The following WDHD1 variants were observed in gnomAD, a reference collection of about 807,000 sequenced individuals.
WDHD1 encodes WD repeat and HMG-box DNA-binding protein 1.
WDHD1 carries 111 observed loss-of-function variants against 135.4 expected under a neutral mutation model. That is an observed-to-expected ratio of 0.82 (90% CI 0.70 to 0.96). The LOEUF (loss-of-function observed/expected upper bound fraction) is 0.96, where lower values mean the gene tolerates loss of function less well. Among genes scored for constraint, WDHD1 ranks in the 40% least tolerant of loss-of-function variants. The probability of loss-of-function intolerance (pLI) is 0.00; values close to 1 mark genes in which losing one functional copy is unlikely to be tolerated. For synonymous variants in WDHD1, 434 were observed against 439.0 expected, an observed-to-expected ratio of 0.99 and a Z score of 0.14; for missense variants, 1,351 against 1,336.3, an observed-to-expected ratio of 1.01 and a Z score of -0.17.
intron 24 of WDHD1, chr14:54,944,754 G>C (rs1207353278): frequency 4.9e-6 from 1 of 203,916 alleles, no homozygotes; most frequent in African/African-American, 2.4e-5. Flanking sequence ...CAAGTAGCTG[G>C]GATTACAGGC....
chr14:55,004,696 AC>A, intron 7 of WDHD1: 1 of 348,044 alleles, frequency 2.9e-6, no homozygotes, highest in East Asian at 7.4e-5. Flanking sequence ...CAACTGATCC[AC>A]CTGTCTCAGC....
chr14:55,006,299 A>G (rs184571165), intron 7 of WDHD1, among the ~76,000 whole-genome samples: 13 of 152,338 alleles, frequency 8.5e-5, no homozygotes, highest in African/African-American at 3.1e-4. Context: ...TTCTCTTGGT[A>G]GCATGTTAAA....
At chr14:55,021,087 C>T (rs1414137806) in intron 2 of WDHD1, among the ~76,000 whole-genome samples, 1 of 152,020 alleles carries the variant, frequency 6.6e-6, no homozygotes, top group Non-Finnish European at 1.5e-5. Context: ...CTTGGTGTGA[C>T]CTTATAAAAA....
At chr14:54,990,430 T>C (rs2041766297) in intron 12 of WDHD1, among the ~76,000 whole-genome samples, 1 of 152,062 alleles carries the variant, frequency 6.6e-6, no homozygotes, top group African/African-American at 2.4e-5. Context: ...ATCCCATCTC[T>C]ACTAAAAATA....
At chr14:54,987,818 AG>A (rs1197781542) in intron 13 of WDHD1, among the ~76,000 whole-genome samples, 2 of 152,106 alleles carry the variant, frequency 1.3e-5, no homozygotes, top group Non-Finnish European at 2.9e-5. Flanking sequence ...GTAGAGATGC[AG>A]TTTCACCATG....
chr14:55,008,875 C>T (rs2042118027), intron 4 of WDHD1, among the ~76,000 whole-genome samples, 156 bp from the exon 5 acceptor site: 1 of 151,868 alleles, frequency 6.6e-6, no homozygotes, highest in African/African-American at 2.4e-5. Context: ...ATCTCAACTG[C>T]AACCTCCGCC....
Position 54,963,133 on chromosome 14 carries a change from G to C in WDHD1, c.2350C>G (p.Leu784Val), listed in dbSNP as rs1478915677. The change falls in exon 19 of 26, where the codon CTT becomes GTT. Residue 784 changes from leucine (L) to valine (V), a missense_variant. By Grantham distance (32) the Leu-to-Val change is conservative (BLOSUM62 1). Coordinates refer to ENST00000360586, the MANE Select transcript of WDHD1 (RefSeq NM_007086.4). ...GCATTTTGAGTCATTAGATCAGCAA[G>C]TTCCACACAACGGAATTCTCGCTCC... ...KLEREFRCVE[L>V]ADLMTQNAVN... The C allele has an allele frequency of 4.5e-6, 6 of 1,320,358 alleles. No individual in the cohort carries two copies. In the African/African-American group the frequency reaches 1.0e-4, roughly 23 times the overall value. The allele number at this position is 1,320,358 out of a possible 1,614,324, so 81.8% of individuals were successfully genotyped here. A position where few individuals can be genotyped will look rare whatever the true frequency, so the allele number is the denominator to read the frequency against.
At chr14:54,971,649 A>G (rs183254006) in intron 16 of WDHD1, among the ~76,000 whole-genome samples, 178 of 144,262 alleles carry the variant, frequency 1.2e-3, no homozygotes, top group Admixed American at 1.8e-3. Flanking sequence ...TCGAGGCTGC[A>G]GTGAGCCATG....
At chr14:54,968,877 C>CA (rs1233018887) in intron 16 of WDHD1, among the ~76,000 whole-genome samples, 2 of 152,064 alleles carry the variant, frequency 1.3e-5, no homozygotes, top group African/African-American at 2.4e-5. Flanking sequence ...CCAATTGCTA[C>CA]AAAAATTTTT....
chr14:54,999,942 T>C (rs944007537), intron 10 of WDHD1, among the ~76,000 whole-genome samples: 9 of 152,148 alleles, frequency 5.9e-5, no homozygotes, highest in African/African-American at 2.2e-4. Context: ...TTTAACCTTA[T>C]GGGATTATGC....
rs60660567 is a variant in WDHD1, at chr14:54,994,915, C to T, written c.1153+688G>A. On this transcript the variant is annotated intron_variant, in intron 11 of 25. Coordinates refer to ENST00000360586, the MANE Select transcript of WDHD1 (RefSeq NM_007086.4). ...AGTGATGGCCCACCTCTCTTTCATTCTCTATGTTAGTAATTTGTGTCTTCT... is the reference window on the plus strand; with the variant it reads ...AGTGATGGCCCACCTCTCTTTCATTTTCTATGTTAGTAATTTGTGTCTTCT... Among the ~76,000 whole-genome samples the T allele has an allele frequency of 2.5e-3, 384 of 152,294 alleles. 19 individuals are homozygous for T. The East Asian group carries it at 0.068, about 27-fold the overall frequency.
chr14:54,952,759 A>G (rs113647221), intron 24 of WDHD1, among the ~76,000 whole-genome samples: 16 of 152,164 alleles, frequency 1.1e-4, no homozygotes, highest in African/African-American at 3.9e-4. Flanking sequence ...ACAGCACAGT[A>G]CTGGTACCAA....
At chr14:54,963,978 T>A (rs915100013) in intron 18 of WDHD1, among the ~76,000 whole-genome samples, 5 of 151,946 alleles carry the variant, frequency 3.3e-5, no homozygotes, top group Non-Finnish European at 7.4e-5. Flanking sequence ...CGTGGTGGCA[T>A]GCACCTGCAG....
intron 11 of WDHD1, among the ~76,000 whole-genome samples, chr14:54,993,199 C>G (rs370284649): frequency 2.0e-3 from 299 of 152,242 alleles, no homozygotes; most frequent in African/African-American, 6.8e-3. Context: ...CTCACTGCAG[C>G]CTCGACCTCT....
Position 54,967,344 on chromosome 14 carries a change from G to A in WDHD1, c.2114C>T (p.Ala705Val), listed in dbSNP as rs548855017. The change falls in exon 17 of 26, where the codon GCT (alanine) becomes GTT (valine). Residue 705 changes from alanine to valine, a missense_variant. This residue lies in a region of WDHD1 where 1,330 missense variants were observed against 1,296.1 expected (regional missense o/e 1.03). Transcript: ENST00000360586. Reference protein sequence around the residue: ...SRFPPTLPRPAVAILSFKLPY... With the variant: ...SRFPPTLPRPVVAILSFKLPY... ...AAGCTTAAAGGATAATATAGCAACA[G>A]CAGGGCGTGGAAGGGTTGGGGGAAA... 1 of 1,612,594 alleles carries A rather than the reference G, an allele frequency of 6.2e-7. No individual in the cohort carries two copies. The highest frequency in any genetic ancestry group is 1.1e-5 in the South Asian group (1 of 91,054).
chr14:54,965,571 C>T (rs185504317), intron 18 of WDHD1, among the ~76,000 whole-genome samples: 4 of 152,072 alleles, frequency 2.6e-5, no homozygotes, highest in African/African-American at 9.7e-5. Flanking sequence ...CTTGAGAGCC[C>T]GTTAAAACAT....
In WDHD1 at chr14:54,995,762, T is replaced by C; in HGVS notation, c.994A>G (p.Met332Val). Residue 332 changes from methionine to valine, a missense_variant, in exon 11 of 26, where the codon ATG becomes GTG. Met to Val is a conservative substitution (Grantham distance 21). Transcript: ENST00000360586. Reference sequence around the variant, plus strand: ...TTTAGAAAATCACCAGCATTACTCATATCATCTCCATCAAAAAGATCATTA... The same window carrying C: ...TTTAGAAAATCACCAGCATTACTCACATCATCTCCATCAAAAAGATCATTA... Reference protein sequence around the residue: ...DYNDLFDGDDMSNAGDFLNDN... With the variant: ...DYNDLFDGDDVSNAGDFLNDN... 2 of 1,612,668 alleles carry C rather than the reference T, an allele frequency of 1.2e-6. No homozygotes were observed. The highest frequency in any genetic ancestry group is 1.3e-5 in the African/African-American group (1 of 75,000).
At chr14:54,981,401 A>G (rs1339639101) in intron 16 of WDHD1, 139 bp downstream of exon 16, 3 of 789,882 alleles carry the variant, frequency 3.8e-6, no homozygotes, top group Non-Finnish European at 3.9e-6. Flanking sequence ...GTGAATATGA[A>G]CAAATTCCTA....
intron 16 of WDHD1, among the ~76,000 whole-genome samples, chr14:54,972,316 T>C (rs186773794): frequency 6.8e-6 from 1 of 147,462 alleles, no homozygotes; most frequent in African/African-American, 2.5e-5. Flanking sequence ...TGGTGGCTCA[T>C]GTCTGTAATC....
Sources: allele counts gnomAD v4.1 joint callset (sites outside exome capture counted in the v4.1 genomes callset), GRCh38; gene constraint gnomAD v4.1.1; regional missense constraint gnomAD v4.1.1; transcripts MANE v1.5; gene names NCBI Gene and HGNC (gene_info 2026-07-23, HGNC 2026-07-21).